RIN2: variants seen among roughly 807,000 people sequenced by gnomAD.
RIN2 encodes the protein Ras and Rab interactor 2, also known as RAB5 interacting protein 2.
RIN2 carries 36 observed loss-of-function variants against 78.0 expected under a neutral mutation model. The observed-to-expected ratio is 0.46, with a 90% confidence interval of 0.35 to 0.61. The LOEUF (loss-of-function observed/expected upper bound fraction) is 0.61. Among genes scored for constraint, RIN2 ranks in the 20% least tolerant of loss-of-function variants. The pLI is 0.00. For synonymous variants in RIN2, 466 were observed against 466.8 expected (o/e 1.00, Z 0.02); for missense variants, 1,087 against 1,159.7 (o/e 0.94, Z 0.91).
intron 2 of RIN2, among the ~76,000 whole-genome samples, chr20:19,851,787 C>T (rs2036989969): frequency 6.6e-6 from 1 of 152,134 alleles, no homozygotes. Flanking sequence ...TGACAGCTGC[C>T]ATGAGACCGG....
intron 6 of RIN2, among the ~76,000 whole-genome samples, chr20:19,961,238 C>T (rs915814738): frequency 3.3e-5 from 5 of 152,174 alleles, no homozygotes; most frequent in Non-Finnish European, 7.3e-5. Flanking sequence ...TAAATAATCC[C>T]TGAGCAGACC....
At chr20:19,847,491 G>C (rs2036822950) in intron 2 of RIN2, among the ~76,000 whole-genome samples, 1 of 152,172 alleles carries the variant, frequency 6.6e-6, no homozygotes, top group South Asian at 2.1e-4. Flanking sequence ...CTCAACAAGA[G>C]GGTAGAGGTG....
rs980821673 is a variant in RIN2 at position 19,999,853 on chromosome 20, T to C, written c.2365-760T>C. Among the ~76,000 whole-genome samples, 4 of 152,344 alleles carry C rather than the reference T, an allele frequency of 2.6e-5. No individual in the cohort carries two copies. The East Asian group carries it at 7.7e-4, about 29-fold the overall frequency. On this transcript the variant is annotated intron_variant, in intron 12 of 12. Transcript: ENST00000255006. ...TGCAAAGTATTTGGCAAAATCAACA[T>C]TCTTCTCCTTCTGACTTTTTCCACA...
At chr20:19,764,843 A>G (rs773350787) in intron 1 of RIN2, among the ~76,000 whole-genome samples, 3 of 150,872 alleles carry the variant, frequency 2.0e-5, no homozygotes, top group Non-Finnish European at 4.4e-5. Context: ...CATTTGGTGA[A>G]TAAACCTGCC....
At chr20:19,947,803 C>G (rs768240150) in intron 4 of RIN2, among the ~76,000 whole-genome samples, 1 of 152,218 alleles carries the variant, frequency 6.6e-6, no homozygotes, top group Non-Finnish European at 1.5e-5. Flanking sequence ...CGGAGCCTGC[C>G]GCTCACTCCT....
intron 2 of RIN2, among the ~76,000 whole-genome samples, chr20:19,855,767 A>AG (rs2037143856): frequency 6.6e-6 from 1 of 152,202 alleles, no homozygotes; most frequent in South Asian, 2.1e-4. Flanking sequence ...GGGGAAAAAA[A>AG]TCCCAGAGAC....
intron 2 of RIN2, among the ~76,000 whole-genome samples, chr20:19,883,578 A>G (rs991091243): frequency 1.6e-4 from 25 of 151,974 alleles, no homozygotes; most frequent in African/African-American, 5.8e-4. Flanking sequence ...CCTGACCTCA[A>G]GTGATCCTCC....
intron 5 of RIN2, 49 bp downstream of exon 5, chr20:19,956,856 C>T: frequency 7.0e-7 from 1 of 1,436,850 alleles, no homozygotes. Flanking sequence ...AGGACTGCTG[C>T]CGGCTTAAAG....
intron 9 of RIN2, among the ~76,000 whole-genome samples, chr20:19,984,766 C>CA (rs1843391556): frequency 6.6e-6 from 1 of 151,868 alleles, no homozygotes. Context: ...GACTCTGTCT[C>CA]AAAAAAATAA....
At chr20:19,854,161 G>C (rs527991186) in intron 2 of RIN2, among the ~76,000 whole-genome samples, 6 of 152,102 alleles carry the variant, frequency 3.9e-5, no homozygotes, top group East Asian at 3.9e-4. Context: ...TCTTGTTTTT[G>C]TCAGGTTTGT....
chr20:19,764,860 C>T (rs6515035), intron 1 of RIN2, among the ~76,000 whole-genome samples: 179 of 149,686 alleles, frequency 1.2e-3, no homozygotes, highest in African/African-American at 4.1e-3. Context: ...TGCCTTTCCC[C>T]AGCTCCATAA....
intron 2 of RIN2, among the ~76,000 whole-genome samples, chr20:19,825,587 A>G (rs1452741051): frequency 1.3e-5 from 2 of 152,190 alleles, no homozygotes; most frequent in African/African-American, 2.4e-5. Context: ...AAATCCCACC[A>G]TAGGTGCTCA....
intron 1 of RIN2, among the ~76,000 whole-genome samples, chr20:19,778,191 AAC>A (rs768712079): frequency 6.6e-6 from 1 of 152,236 alleles, no homozygotes; most frequent in Non-Finnish European, 1.5e-5. Context: ...CCACAGAAGA[AAC>A]AGAGTGTTTA....
chr20:19,852,083 C>A (rs1018841851), intron 2 of RIN2, among the ~76,000 whole-genome samples: 1 of 152,172 alleles, frequency 6.6e-6, no homozygotes, highest in African/African-American at 2.4e-5. Flanking sequence ...ACAAGCCCGA[C>A]CACAGAAACA....
At chr20:19,889,321 C>A in intron 2 of RIN2, 1 of 1,213,146 alleles carries the variant, frequency 8.2e-7, no homozygotes, top group Non-Finnish European at 1.0e-6. Context: ...TCCTGAAGTC[C>A]CAAGGACCTT....
chr20:19,971,055 A>G (rs1054702502), intron 8 of RIN2, 126 bp downstream of exon 8: 7 of 693,084 alleles, frequency 1.0e-5, no homozygotes, highest in Non-Finnish European at 1.7e-5. Context: ...AGTTTGGGCT[A>G]TCCAAAATGT....
At chr20:19,959,099 C>T (rs2041651937) in intron 5 of RIN2, among the ~76,000 whole-genome samples, 1 of 152,174 alleles carries the variant, frequency 6.6e-6, no homozygotes, top group Admixed American at 6.5e-5. Context: ...GTCACAACTA[C>T]TCAACTACAC....
At chr20:19,955,951 T>C (rs556105991) in intron 4 of RIN2, among the ~76,000 whole-genome samples, 145 of 152,214 alleles carry the variant, frequency 9.5e-4, no homozygotes, top group African/African-American at 3.3e-3. Context: ...GGTTCTGTCC[T>C]CAAAGTTAGA....
At chr20:19,965,544 T>C (rs538514175) in intron 7 of RIN2, among the ~76,000 whole-genome samples, 78 of 152,342 alleles carry the variant, frequency 5.1e-4, no homozygotes, top group African/African-American at 1.9e-3. Flanking sequence ...AACTGGGTGC[T>C]CATGTCCTTT....
Sources: gnomAD v4.1 joint callset for allele counts (sites outside exome capture counted in the v4.1 genomes callset) on GRCh38, gnomAD v4.1.1 for gene constraint, MANE v1.5 for transcripts, NCBI Gene and HGNC (gene_info 2026-07-23, HGNC 2026-07-21) for gene names.